The following SCAPER variants were observed in gnomAD, a reference collection of about 807,000 sequenced individuals.
The protein encoded by SCAPER is S-phase cyclin A associated protein in the ER, also known as S phase cyclin A-associated protein in the endoplasmic reticulum.
SCAPER carries 98 observed loss-of-function variants against 182.2 expected under a neutral mutation model. The ratio of observed to expected loss-of-function variants is 0.54; its 90% CI spans 0.46 to 0.64. SCAPER has a LOEUF of 0.64. Ranked by LOEUF, SCAPER falls within the 30% of genes least tolerant of loss-of-function variation. The probability of loss-of-function intolerance (pLI) is 0.00; values close to 1 mark genes in which losing one functional copy is unlikely to be tolerated. For missense variants in SCAPER, 1,432 were observed against 1,690.0 expected, an observed-to-expected ratio of 0.85 and a Z score of 2.68; for synonymous variants, 605 against 564.6, an observed-to-expected ratio of 1.07 and a Z score of -1.01.
At chr15:76,668,849 T>C (rs1297239437) in intron 20 of SCAPER, among the ~76,000 whole-genome samples, 1 of 152,172 alleles carries the variant, frequency 6.6e-6, no homozygotes, top group Non-Finnish European at 1.5e-5. Flanking sequence ...TAATAACAAC[T>C]AATAATAGTA....
intron 5 of SCAPER, among the ~76,000 whole-genome samples, chr15:76,827,867 C>T (rs2068139598): frequency 6.6e-6 from 1 of 152,154 alleles, no homozygotes; most frequent in African/African-American, 2.4e-5. Context: ...TATCCCAGTG[C>T]TATGGTTTGA....
chr15:76,841,076 C>G (rs779976906), intron 5 of SCAPER, among the ~76,000 whole-genome samples: 4 of 152,122 alleles, frequency 2.6e-5, no homozygotes, highest in Non-Finnish European at 4.4e-5. Context: ...ACAGCACCAA[C>G]GGAGAATACA....
intron 17 of SCAPER, among the ~76,000 whole-genome samples, chr15:76,726,036 T>C (rs996919531): frequency 1.4e-5 from 2 of 146,910 alleles, no homozygotes; most frequent in Non-Finnish European, 3.0e-5. Flanking sequence ...TGTTCTTCAA[T>C]AGACAATATC....
chr15:76,795,493 T>G lies in SCAPER; in HGVS notation c.612-53A>C, dbSNP rs2065262993. 3.0e-6 allele frequency: 4 copies of G among 1,317,058 alleles called. No homozygotes were observed. The East Asian group carries it at 1.1e-4, about 35-fold the overall frequency. 81.6% of individuals were successfully genotyped at this position (1,317,058 alleles called of 1,614,324 possible). A position where few individuals can be genotyped will look rare whatever the true frequency, so the allele number is the denominator to read the frequency against. The stretch of plus-strand genomic sequence containing the variant: ...AAATTAAATATAAAAGAAAAACTTC[T>G]GAATATATGCTAAATGTATTTAAAA... On this transcript the variant is annotated intron_variant, in intron 7 of 31. Coordinates refer to ENST00000563290, the MANE Select transcript of SCAPER (RefSeq NM_020843.4).
chr15:76,862,110 T>C (rs931609324), intron 3 of SCAPER, among the ~76,000 whole-genome samples: 3 of 152,144 alleles, frequency 2.0e-5, no homozygotes, highest in Non-Finnish European at 4.4e-5. Flanking sequence ...CAAGGTGAGA[T>C]TTGGGTGGGG....
rs116670220 is a variant in SCAPER at position 76,849,764 on chromosome 15, C to T, written c.196-7833G>A. Reference sequence around the variant, plus strand: ...ACGCTGCTGTGTTAGTCCGTTCTCACGCTGCTATGAAGAAATACCCGAGAC... The same window carrying T: ...ACGCTGCTGTGTTAGTCCGTTCTCATGCTGCTATGAAGAAATACCCGAGAC... On this transcript the variant is annotated intron_variant, in intron 4 of 31. Coordinates refer to ENST00000563290, the MANE Select transcript of SCAPER (RefSeq NM_020843.4). Among the ~76,000 whole-genome samples, 17 of 152,302 alleles carry T rather than the reference C, an allele frequency of 1.1e-4. No homozygotes were observed. In the South Asian group the frequency reaches 1.9e-3, roughly 17 times the overall value.
At chr15:76,673,908 A>C (rs1171620354) in intron 20 of SCAPER, among the ~76,000 whole-genome samples, 2 of 151,536 alleles carry the variant, frequency 1.3e-5, no homozygotes, top group Non-Finnish European at 2.9e-5. Context: ...AAATCACTGA[A>C]ACCCATTAAA....
At chr15:76,474,847 T>C (rs896627561) in intron 24 of SCAPER, among the ~76,000 whole-genome samples, 2 of 152,170 alleles carry the variant, frequency 1.3e-5, no homozygotes, top group Non-Finnish European at 2.9e-5. Context: ...TTTCATGGTA[T>C]GCTGACATAA....
intron 23 of SCAPER, among the ~76,000 whole-genome samples, chr15:76,529,920 T>C (rs1597221046): frequency 6.6e-6 from 1 of 152,202 alleles, no homozygotes; most frequent in South Asian, 2.1e-4. Flanking sequence ...ATCTGACTTA[T>C]GGATTACTCT....
chr15:76,610,424 T>TGG (rs1171283987), intron 22 of SCAPER, among the ~76,000 whole-genome samples: 6 of 152,180 alleles, frequency 3.9e-5, no homozygotes, highest in African/African-American at 1.4e-4. Context: ...AGCACAGTTC[T>TGG]GGAACTCCTA....
Position 76,603,632 on chromosome 15 carries a change from T to C in SCAPER, c.2711+18132A>G, listed in dbSNP as rs559645329. Among the ~76,000 whole-genome samples the C allele has an allele frequency of 1.6e-5, 2 of 121,902 alleles. 1 individual carries two copies. Among genetic ancestry groups the C allele is most frequent in the Non-Finnish European group, 4.0e-5 (2 of 50,148 alleles). 80.0% of individuals were successfully genotyped at this position (121,902 alleles called of 152,430 possible). ...CTGACTTCCACAATGGTTGAACTAG[T>C]TTGCAGTCCCACTCACAGTGTAAAA... is the stretch of plus-strand genomic sequence containing the variant. On this transcript the variant is annotated intron_variant, in intron 22 of 31. Coordinates refer to ENST00000563290, the MANE Select transcript of SCAPER (RefSeq NM_020843.4).
At chr15:76,771,508 C>A (rs944834567) in intron 10 of SCAPER, among the ~76,000 whole-genome samples, 1 of 152,028 alleles carries the variant, frequency 6.6e-6, no homozygotes, top group Non-Finnish European at 1.5e-5. Flanking sequence ...CACATACAAA[C>A]CAAATGATTT....
rs143781783 is a variant in SCAPER at position 76,797,033 on chromosome 15, A to G, written c.612-1593T>C. Among the ~76,000 whole-genome samples the G allele has an allele frequency of 2.0e-3, 311 of 151,892 alleles. 2 individuals are homozygous for G. The highest frequency in any genetic ancestry group is 6.6e-3 in the African/African-American group (273 of 41,140). On this transcript the variant is annotated intron_variant, in intron 7 of 31. Coordinates refer to ENST00000563290, the MANE Select transcript of SCAPER (RefSeq NM_020843.4). ...CCTCAAAGAAGGTCCTAGTATAAGT[A>G]CAAAAAAATAGACATTAAAAGAAAG...
intron 22 of SCAPER, among the ~76,000 whole-genome samples, chr15:76,619,768 C>G (rs963518513): frequency 1.5e-4 from 23 of 152,052 alleles, no homozygotes; most frequent in African/African-American, 5.1e-4. Flanking sequence ...ATAGATCCTT[C>G]ACATTTCCTC....
At chr15:76,733,409 G>A in intron 15 of SCAPER, 25 bp from the exon 16 acceptor site, 7 of 1,605,136 alleles carry the variant, frequency 4.4e-6, no homozygotes, top group Non-Finnish European at 5.9e-6. Context: ...AGAAGGTAAG[G>A]TTCAGATCAA....
At chr15:76,465,827 C>T (rs1386466412) in intron 25 of SCAPER, among the ~76,000 whole-genome samples, 1 of 152,026 alleles carries the variant, frequency 6.6e-6, no homozygotes, top group Middle Eastern at 3.4e-3. Context: ...TGAAGACTAC[C>T]TTTTTTCTGC....
intron 16 of SCAPER, among the ~76,000 whole-genome samples, chr15:76,731,569 A>G (rs1014312615): frequency 6.6e-6 from 1 of 152,216 alleles, no homozygotes; most frequent in African/African-American, 2.4e-5. Flanking sequence ...GGATCTTACC[A>G]TTATTGTATT....
intron 26 of SCAPER, among the ~76,000 whole-genome samples, chr15:76,429,390 A>G (rs2142469397): frequency 6.6e-6 from 1 of 152,326 alleles, no homozygotes; most frequent in Non-Finnish European, 1.5e-5. Context: ...AGGGCTCAGA[A>G]GAAGACAGGA....
At position 76,354,244 on chromosome 15, in the gene SCAPER, T is replaced by C. The variant is rs1596270203; in HGVS notation, c.3856-104A>G. On this transcript the variant is annotated intron_variant, in intron 29 of 31. Transcript: ENST00000563290. This position sits in a 1 kb window ranked among gnomAD's most constrained non-coding sequence, Gnocchi z 4.4. Reference sequence around the variant, plus strand: ...TACCATGGAAAACATGCTGAAGGAGTGTAAAGAAAAAGACTCCTGACTCCG... The same window carrying C: ...TACCATGGAAAACATGCTGAAGGAGCGTAAAGAAAAAGACTCCTGACTCCG... 3 of 1,065,670 alleles carry C rather than the reference T, an allele frequency of 2.8e-6. No homozygotes were observed. The highest frequency in any genetic ancestry group is 3.5e-5 in the South Asian group (2 of 56,654). 66.0% of individuals were successfully genotyped at this position (1,065,670 alleles called of 1,614,324 possible).
Sources: allele counts gnomAD v4.1 joint callset (sites outside exome capture counted in the v4.1 genomes callset), GRCh38; gene constraint gnomAD v4.1.1; non-coding constraint Gnocchi (gnomAD v3.1); transcripts MANE v1.5; gene names NCBI Gene and HGNC (gene_info 2026-07-23, HGNC 2026-07-21).